Variants in SLC14A2 observed in about 807,000 individuals in gnomAD.
The protein encoded by SLC14A2 is urea transporter 2.
SLC14A2 carries 91 observed loss-of-function variants against 104.6 expected under a neutral mutation model. The ratio of observed to expected loss-of-function variants is 0.87; its 90% CI spans 0.73 to 1.04. The LOEUF (loss-of-function observed/expected upper bound fraction) is 1.04. Ranked by LOEUF, SLC14A2 falls within the 50% of genes least tolerant of loss-of-function variation. The probability of loss-of-function intolerance (pLI) is 0.00; values close to 1 mark genes in which losing one functional copy is unlikely to be tolerated. For missense variants in SLC14A2, 1,189 were observed against 1,156.0 expected, an observed-to-expected ratio of 1.03 and a Z score of -0.41; for synonymous variants, 476 against 466.4, an observed-to-expected ratio of 1.02 and a Z score of -0.27.
intron 1 of SLC14A2, among the ~76,000 whole-genome samples, chr18:45,414,755 A>AT (rs1555684068): frequency 2.0e-4 from 13 of 64,098 alleles, no homozygotes; most frequent in East Asian, 4.6e-4. Flanking sequence ...AAAAAAAAAA[A>AT]AAATATATAT....
At chr18:45,623,534 G>T (rs1235245821) in intron 1 of SLC14A2, among the ~76,000 whole-genome samples, 6 of 152,176 alleles carry the variant, frequency 3.9e-5, no homozygotes, top group Admixed American at 3.9e-4. Context: ...CAAGGTGAGT[G>T]GTGCTCAGAA....
chr18:45,273,685 C>G (rs960598640), intron 1 of SLC14A2, among the ~76,000 whole-genome samples: 5 of 152,072 alleles, frequency 3.3e-5, no homozygotes, highest in African/African-American at 1.2e-4. Flanking sequence ...TTTAAAAAAG[C>G]ATTAACCAGG....
intron 2 of SLC14A2, among the ~76,000 whole-genome samples, chr18:45,546,771 A>T (rs2043976699): frequency 6.6e-6 from 1 of 152,182 alleles, no homozygotes; most frequent in Non-Finnish European, 1.5e-5. Flanking sequence ...ATGAGGTTGT[A>T]ATGCAGAAAA....
chr18:45,610,218 G>T (rs1205963786), intron 2 of SLC14A2, among the ~76,000 whole-genome samples: 2 of 93,656 alleles, frequency 2.1e-5, no homozygotes, highest in African/African-American at 8.3e-5. Flanking sequence ...ATTCTGTTAT[G>T]GGGGTGGGGC....
intron 1 of SLC14A2, among the ~76,000 whole-genome samples, chr18:45,367,919 T>A (rs2085682853): frequency 6.6e-6 from 1 of 152,116 alleles, no homozygotes; most frequent in Admixed American, 6.6e-5. Context: ...ACTGAAGGCT[T>A]AATGTTCTTT....
At chr18:45,336,483 A>G (rs2085339092) in intron 1 of SLC14A2, among the ~76,000 whole-genome samples, 1 of 152,070 alleles carries the variant, frequency 6.6e-6, no homozygotes, top group Non-Finnish European at 1.5e-5. Context: ...TGATATTTAC[A>G]GCACAATATT....
At chr18:45,219,188 T>G (rs1020289481) in intron 1 of SLC14A2, among the ~76,000 whole-genome samples, 1 of 152,232 alleles carries the variant, frequency 6.6e-6, no homozygotes, top group Non-Finnish European at 1.5e-5. Flanking sequence ...TAATTCATAT[T>G]ATTCGTTTTA....
chr18:45,558,405 T>C (rs1181297140), intron 2 of SLC14A2, among the ~76,000 whole-genome samples: 2 of 152,132 alleles, frequency 1.3e-5, no homozygotes, highest in East Asian at 3.9e-4. Context: ...CAGTAGACAC[T>C]GTACAGAGAA....
At chr18:45,367,038 G>A (rs1379911597) in intron 1 of SLC14A2, among the ~76,000 whole-genome samples, 1 of 152,190 alleles carries the variant, frequency 6.6e-6, no homozygotes, top group African/African-American at 2.4e-5. Context: ...CTGTGGGGCA[G>A]GCAACCAGTT....
At chr18:45,434,571 G>A (rs1343287654) in intron 1 of SLC14A2, among the ~76,000 whole-genome samples, 1 of 152,142 alleles carries the variant, frequency 6.6e-6, no homozygotes, top group East Asian at 1.9e-4. Context: ...ACAGAACCAA[G>A]AGCAGGGAAA....
At chr18:45,370,877 C>G (rs1054890129) in intron 1 of SLC14A2, among the ~76,000 whole-genome samples, 3 of 152,146 alleles carry the variant, frequency 2.0e-5, no homozygotes, top group African/African-American at 7.2e-5. Context: ...TCAGAAATTC[C>G]TTTCAATTAT....
At chr18:45,298,861 A>G (rs2084941108) in intron 1 of SLC14A2, among the ~76,000 whole-genome samples, 1 of 152,154 alleles carries the variant, frequency 6.6e-6, no homozygotes, top group African/African-American at 2.4e-5. Flanking sequence ...GAATATGACA[A>G]TGACATCTTT....
chr18:45,182,098 G>A, the SLC14A2 span, among the ~76,000 whole-genome samples: 1 of 151,926 alleles, frequency 6.6e-6, no homozygotes, highest in Admixed American at 6.6e-5. Flanking sequence ...TAATTAAGCA[G>A]CCAAGTAAGT....
At chr18:45,622,794 G>C (rs1422107126) in intron 1 of SLC14A2, among the ~76,000 whole-genome samples, 1 of 152,168 alleles carries the variant, frequency 6.6e-6, no homozygotes, top group African/African-American at 2.4e-5. Flanking sequence ...ACTTGCCATG[G>C]AGGCCTTAGA....
At chr18:45,176,667 C>T in the SLC14A2 span, among the ~76,000 whole-genome samples, 1 of 152,210 alleles carries the variant, frequency 6.6e-6, no homozygotes, top group Non-Finnish European at 1.5e-5. Context: ...CCCCCTCTTC[C>T]TGTGGCTGCA....
intron 1 of SLC14A2, among the ~76,000 whole-genome samples, chr18:45,455,026 T>C (rs1269077899): frequency 6.6e-6 from 1 of 152,206 alleles, no homozygotes; most frequent in Non-Finnish European, 1.5e-5. Flanking sequence ...AGTAGTTTTT[T>C]CCAATTCTGT....
At chr18:45,377,262 T>C (rs1042343280) in intron 1 of SLC14A2, among the ~76,000 whole-genome samples, 2 of 151,910 alleles carry the variant, frequency 1.3e-5, no homozygotes, top group African/African-American at 4.8e-5. Flanking sequence ...TTTTTTTTTT[T>C]ACTACCTTCT....
chr18:45,559,399 G>T (rs953126719), intron 2 of SLC14A2, among the ~76,000 whole-genome samples: 4 of 152,116 alleles, frequency 2.6e-5, no homozygotes, highest in African/African-American at 9.7e-5. Flanking sequence ...TAGGAAAAAA[G>T]GAACAAGATG....
chr18:45,344,235 T>A (rs1485170896), intron 1 of SLC14A2, among the ~76,000 whole-genome samples: 1 of 152,192 alleles, frequency 6.6e-6, no homozygotes, highest in Non-Finnish European at 1.5e-5. Flanking sequence ...TCTGTGAGTT[T>A]GAACGCCAGT....
Sources: allele counts gnomAD v4.1 joint callset (sites outside exome capture counted in the v4.1 genomes callset), GRCh38; gene constraint gnomAD v4.1.1; transcripts MANE v1.5; gene names NCBI Gene and HGNC (gene_info 2026-07-23, HGNC 2026-07-21).